The following FAM3D variants were observed in gnomAD, a reference collection of about 807,000 sequenced individuals.
The protein encoded by FAM3D is protein FAM3D.
A neutral mutation model predicts 29.8 loss-of-function variants in FAM3D; 26 were observed. The ratio of observed to expected loss-of-function variants is 0.87; its 90% confidence interval spans 0.64 to 1.21. FAM3D has a LOEUF of 1.21. FAM3D is among the 50% of genes most tolerant of loss of function. FAM3D has a pLI of 0.00. For synonymous variants in FAM3D, 115 were observed against 102.3 expected (o/e 1.12, Z -0.75); for missense variants, 253 against 290.9 (o/e 0.87, Z 0.95).
chr3:58,637,508 G>T (rs915587858), intron 7 of FAM3D, among the ~76,000 whole-genome samples: 11 of 152,234 alleles, frequency 7.2e-5, no homozygotes, highest in Admixed American at 7.2e-4. Flanking sequence ...TGCAGCTGAG[G>T]GTGACCACCA....
At chr3:58,638,637 T>C (rs2066242271) in intron 7 of FAM3D, among the ~76,000 whole-genome samples, 1 of 152,138 alleles carries the variant, frequency 6.6e-6, no homozygotes, top group Non-Finnish European at 1.5e-5. Context: ...TGAAGTCAAG[T>C]GTGAGATTCT....
intron 1 of FAM3D, among the ~76,000 whole-genome samples, chr3:58,664,345 T>G (rs2066989452): frequency 6.6e-6 from 1 of 152,232 alleles, no homozygotes; most frequent in African/African-American, 2.4e-5. Context: ...AGTCCCTGAC[T>G]CCTTTTACTC....
chr3:58,634,265 G>C lies in FAM3D; in HGVS notation c.*14C>G, dbSNP rs9835236. 7,985 of 1,611,900 alleles carry C rather than the reference G, an allele frequency of 5.0e-3. 358 individuals carry two copies. The African/African-American group carries it at 0.092, about 19-fold the overall frequency. On this transcript the variant is annotated 3_prime_UTR_variant, in exon 10 of 10. Transcript: ENST00000358781. This position sits in a 1 kb window ranked among gnomAD's most constrained non-coding sequence, Gnocchi z 4.6. ...CTTCTTCAGGCCCCTGGCTGAGGAA[G>C]AGCCACAGCCACCCTAAAATGGCTT...
In FAM3D at chr3:58,652,600, C is replaced by T. The variant is rs573898688; in HGVS notation, c.121+1074G>A. Among the ~76,000 whole-genome samples, 25 of 152,102 alleles carry T rather than the reference C, an allele frequency of 1.6e-4. 1 individual carries two copies. The South Asian group carries it at 4.8e-3, about 29-fold the overall frequency. ...CCTTCCCTCCATCTACCCATCTACC[C>T]ATCCACCCATCCATCTACCCACTCA... is the stretch of plus-strand genomic sequence containing the variant. On this transcript the variant is annotated intron_variant, in intron 3 of 9. Transcript: ENST00000358781.
Position 58,666,561 on chromosome 3 carries a change from C to T in FAM3D, c.-39+15G>A, listed in dbSNP as rs1236073788. On this transcript the variant is annotated intron_variant, in intron 1 of 9. Coordinates refer to ENST00000358781, the MANE Select transcript of FAM3D (RefSeq NM_138805.3). ...ACCTGGAACCATAGCCCTTTCCATT[C>T]TTGGGGGGACGTACCCGAGGGCTCG... is the stretch of plus-strand genomic sequence containing the variant. 1.3e-5 allele frequency: 2 copies of T among 152,198 alleles called. No homozygotes were observed. Among genetic ancestry groups the T allele is most frequent in the Admixed American group, 1.3e-4 (2 of 15,280 alleles). 9.4% of individuals were successfully genotyped at this position (152,198 alleles called of 1,614,324 possible). A position where few individuals can be genotyped will look rare whatever the true frequency, so the allele number is the denominator to read the frequency against.
Position 58,637,174 on chromosome 3 carries a change from A to T in FAM3D, c.425T>A (p.Val142Glu), listed in dbSNP as rs572338034. The part of the protein sequence containing the change: ...FLKEIPGGAL[V>E]LVASYDDPGT... Reference sequence around the variant, plus strand: ...TGGATCGTCGTAGGAGGCCACCAGCACCAGTGCACCCCCCGGAATTTCTTT... The same window carrying T: ...TGGATCGTCGTAGGAGGCCACCAGCTCCAGTGCACCCCCCGGAATTTCTTT... The change falls in exon 8 of 10, where the codon GTG becomes GAG. Residue 142 changes from valine (V) to glutamate (E), a missense_variant. Coordinates refer to ENST00000358781, the MANE Select transcript of FAM3D (RefSeq NM_138805.3). 3.1e-6 allele frequency: 5 copies of T among 1,614,046 alleles called. No individual in the cohort carries two copies. The highest frequency in any genetic ancestry group is 2.2e-5 in the East Asian group (1 of 44,886).
At chr3:58,659,317 G>C (rs1341982821) in intron 1 of FAM3D, among the ~76,000 whole-genome samples, 1 of 152,118 alleles carries the variant, frequency 6.6e-6, no homozygotes, top group African/African-American at 2.4e-5. Context: ...GCTCCTTTCT[G>C]CCTGCCGGTC....
rs2066104612 is a variant in FAM3D, at chr3:58,634,462, G to A, written c.586-94C>T. On this transcript the variant is annotated intron_variant, in intron 9 of 9. Coordinates refer to ENST00000358781, the MANE Select transcript of FAM3D (RefSeq NM_138805.3). This position sits in a 1 kb window ranked among gnomAD's most constrained non-coding sequence, Gnocchi z 4.6. ...CACTGTGCTCTAAACCTAAATGGGG[G>A]TGTGGGATGTTATTAACCCACTTCA... 2 of 1,111,482 alleles carry A rather than the reference G, an allele frequency of 1.8e-6. No individual in the cohort carries two copies. The highest frequency in any genetic ancestry group is 3.1e-5 in the African/African-American group (2 of 63,758). 68.9% of individuals were successfully genotyped at this position (1,111,482 alleles called of 1,614,324 possible).
chr3:58,659,659 C>T (rs558326002), intron 1 of FAM3D, among the ~76,000 whole-genome samples: 5 of 152,290 alleles, frequency 3.3e-5, no homozygotes, highest in South Asian at 2.1e-4. Flanking sequence ...TCTTCGTCCG[C>T]GGCCGGATGC....
At chr3:58,636,238 C>T in intron 9 of FAM3D, 56 bp downstream of exon 9, 1 of 1,578,540 alleles carries the variant, frequency 6.3e-7, no homozygotes, top group East Asian at 2.3e-5. Flanking sequence ...TCCTTCCTAC[C>T]ACCACCCAGC....
At chr3:58,660,795 A>T (rs989537981) in intron 1 of FAM3D, among the ~76,000 whole-genome samples, 4 of 152,216 alleles carry the variant, frequency 2.6e-5, no homozygotes, top group African/African-American at 9.6e-5. Flanking sequence ...CATGCCAGAT[A>T]CTACCCTGAG....
At position 58,636,353 on chromosome 3, in the gene FAM3D, G is replaced by A. The variant is rs368657516; in HGVS notation, c.526C>T (p.Arg176Trp). ...GSSYAKQLGF[R>W]DSWVFIGAKD... ...GCTCCTATGAAGACCCAGCTGTCCCGGAAGCCCAGTTGTTTTGCGTAGGAA... is the reference window on the plus strand; with the variant it reads ...GCTCCTATGAAGACCCAGCTGTCCCAGAAGCCCAGTTGTTTTGCGTAGGAA... Residue 176 changes from arginine (R) to tryptophan (W), a missense_variant, in exon 9 of 10, where the codon CGG becomes TGG. Arg to Trp is a moderately radical substitution (Grantham distance 101). Coordinates refer to ENST00000358781, the MANE Select transcript of FAM3D (RefSeq NM_138805.3). 9.4e-5 allele frequency: 152 copies of A among 1,614,034 alleles called. No individual in the cohort carries two copies. Among genetic ancestry groups the A allele is most frequent in the Non-Finnish European group, 1.2e-4 (139 of 1,180,044 alleles).
chr3:58,642,438 C>G (rs989703700), intron 6 of FAM3D, among the ~76,000 whole-genome samples: 1 of 152,196 alleles, frequency 6.6e-6, no homozygotes. Context: ...CACACAAGCT[C>G]GACAAGTTCC....
chr3:58,643,616 C>T, intron 6 of FAM3D, 46 bp downstream of exon 6: 2 of 1,596,204 alleles, frequency 1.3e-6, no homozygotes, highest in South Asian at 1.1e-5. Context: ...CCCCTACCCT[C>T]CCTGGTTCTG....
At chr3:58,654,728 C>T (rs994429155) in intron 2 of FAM3D, among the ~76,000 whole-genome samples, 1 of 151,574 alleles carries the variant, frequency 6.6e-6, no homozygotes, top group Admixed American at 6.6e-5. Context: ...AGCTCTAGAG[C>T]CTTGAACTAG....
intron 6 of FAM3D, among the ~76,000 whole-genome samples, chr3:58,640,913 G>C (rs536517470): frequency 7.7e-4 from 117 of 152,382 alleles, no homozygotes; most frequent in Non-Finnish European, 1.6e-3. Context: ...AGCCCCTCCA[G>C]GATTCTCGGG....
intron 2 of FAM3D, among the ~76,000 whole-genome samples, chr3:58,655,220 T>A (rs111305011): frequency 0.013 from 1,925 of 152,204 alleles, 40 homozygotes; most frequent in African/African-American, 0.044. Flanking sequence ...GGCCTTTGCC[T>A]CCCTCTAGAA....
intron 1 of FAM3D, among the ~76,000 whole-genome samples, chr3:58,662,517 T>C (rs909182595): frequency 1.3e-5 from 2 of 152,346 alleles, no homozygotes; most frequent in African/African-American, 4.8e-5. Context: ...CCAACAATCT[T>C]ATTGGCAGAT....
intron 4 of FAM3D, among the ~76,000 whole-genome samples, chr3:58,648,748 G>A (rs1160302776): frequency 1.3e-5 from 2 of 152,174 alleles, no homozygotes; most frequent in Admixed American, 1.3e-4. Context: ...TTGCAGAGGG[G>A]ATACCTCCTC....
Sources: allele counts gnomAD v4.1 joint callset (sites outside exome capture counted in the v4.1 genomes callset), GRCh38; gene constraint gnomAD v4.1.1; non-coding constraint Gnocchi (gnomAD v3.1); transcripts MANE v1.5; gene names NCBI Gene and HGNC (gene_info 2026-07-23, HGNC 2026-07-21).